The following PEBP4 variants were observed in gnomAD, a reference collection of about 807,000 sequenced individuals.
PEBP4 encodes the protein phosphatidylethanolamine binding protein 4.
In PEBP4, 22 loss-of-function variants were observed where a neutral mutation model predicts 23.9. The ratio of observed to expected loss-of-function variants is 0.92; its 90% confidence interval spans 0.66 to 1.31. PEBP4 has a LOEUF of 1.31. Ranked by LOEUF, PEBP4 falls within the 40% of genes most tolerant of loss-of-function variation. The probability of loss-of-function intolerance (pLI) is 0.00; values close to 1 mark genes in which losing one functional copy is unlikely to be tolerated. For synonymous variants in PEBP4, 112 were observed against 99.3 expected, an observed-to-expected ratio of 1.13 and a Z score of -0.76; for missense variants, 324 against 281.7, an observed-to-expected ratio of 1.15 and a Z score of -1.07.
rs560192206 is a variant in PEBP4, at chr8:22,778,962, C to T, written c.357+38675G>A. ...GGAGGTGTGAGGAACTCCAATTAAG[C>T]ACTCAGCCTGTCTGCCTGCGTGGGG... is the stretch of plus-strand genomic sequence containing the variant. On this transcript the variant is annotated intron_variant, in intron 4 of 6. Coordinates refer to ENST00000256404, the MANE Select transcript of PEBP4 (RefSeq NM_144962.3). Among the ~76,000 whole-genome samples, 5 of 152,150 alleles carry T rather than the reference C, an allele frequency of 3.3e-5. No individual in the cohort carries two copies. In the South Asian group the frequency reaches 1.0e-3, roughly 32 times the overall value.
At chr8:22,770,278 T>C (rs1805691365) in intron 4 of PEBP4, among the ~76,000 whole-genome samples, 2 of 152,218 alleles carry the variant, frequency 1.3e-5, no homozygotes, top group South Asian at 4.1e-4. Context: ...GAGGTGGCCC[T>C]GGTGAAACCT....
At chr8:22,729,075 C>T (rs1256735106) in intron 4 of PEBP4, among the ~76,000 whole-genome samples, 1 of 152,188 alleles carries the variant, frequency 6.6e-6, no homozygotes, top group African/African-American at 2.4e-5. Flanking sequence ...CTGGCTTTAT[C>T]CAGGGCTGGC....
At chr8:22,725,042 C>A in intron 5 of PEBP4, 86 bp from the exon 6 acceptor site, 3 of 1,184,798 alleles carry the variant, frequency 2.5e-6, no homozygotes, top group East Asian at 2.4e-5. Context: ...GTCCTGCTGA[C>A]CTCCCTGGGG....
intron 4 of PEBP4, among the ~76,000 whole-genome samples, chr8:22,747,262 G>T (rs1286445167): frequency 6.6e-6 from 1 of 152,264 alleles, no homozygotes; most frequent in Non-Finnish European, 1.5e-5. Flanking sequence ...GATAATAAGT[G>T]CTGGATTCCT....
chr8:22,934,336 T>A (rs1295963066), intron 1 of PEBP4, among the ~76,000 whole-genome samples: 1 of 152,210 alleles, frequency 6.6e-6, no homozygotes, highest in African/African-American at 2.4e-5. Context: ...ATAAGTAAAA[T>A]GTTTGTATGC....
chr8:22,739,419 C>T (rs763522200), intron 4 of PEBP4, among the ~76,000 whole-genome samples: 3 of 152,198 alleles, frequency 2.0e-5, no homozygotes, highest in Non-Finnish European at 4.4e-5. Flanking sequence ...CATCTCTCAT[C>T]CGGCACCCAG....
At chr8:22,746,770 C>T (rs1419823095) in intron 4 of PEBP4, among the ~76,000 whole-genome samples, 1 of 152,182 alleles carries the variant, frequency 6.6e-6, no homozygotes, top group Non-Finnish European at 1.5e-5. Flanking sequence ...GTGCGACATT[C>T]TGTGATGGTG....
At chr8:22,839,326 C>T (rs1301709634) in intron 3 of PEBP4, among the ~76,000 whole-genome samples, 1 of 151,924 alleles carries the variant, frequency 6.6e-6, no homozygotes, top group Non-Finnish European at 1.5e-5. Context: ...TGGGAAGAGG[C>T]AGGGGCTTTG....
intron 4 of PEBP4, among the ~76,000 whole-genome samples, chr8:22,812,391 T>C: frequency 6.6e-6 from 1 of 152,232 alleles, no homozygotes; most frequent in East Asian, 1.9e-4. Flanking sequence ...GCTCTTTCCC[T>C]TTCCCTTCAG....
chr8:22,927,973 G>A (rs1809387974), upstream of PEBP4: 2 of 451,826 alleles, frequency 4.4e-6, no homozygotes, highest in African/African-American at 2.0e-5. Context: ...CCCCTGGCAG[G>A]ACACAGCTTT....
At chr8:22,894,921 C>A (rs1056756592) in intron 3 of PEBP4, among the ~76,000 whole-genome samples, 16 of 152,150 alleles carry the variant, frequency 1.1e-4, no homozygotes, top group Admixed American at 9.8e-4. Context: ...GCAAGAGAAT[C>A]CTGATTCTCC....
At chr8:22,757,855 C>T (rs1027455853) in intron 4 of PEBP4, 1 of 152,240 alleles carries the variant, frequency 6.6e-6, no homozygotes, top group African/African-American at 2.4e-5. Context: ...GGCTCCACCT[C>T]CTACCCGGCC....
At chr8:22,929,319 C>T (rs1429744978), upstream of PEBP4, among the ~76,000 whole-genome samples, 2 of 152,242 alleles carry the variant, frequency 1.3e-5, no homozygotes, top group African/African-American at 4.8e-5. Flanking sequence ...AGGACAGCCA[C>T]AGCCAAGGAG....
intron 3 of PEBP4, among the ~76,000 whole-genome samples, chr8:22,850,916 C>G (rs1807537817): frequency 1.3e-5 from 2 of 152,190 alleles, no homozygotes; most frequent in South Asian, 4.1e-4. Context: ...TGCCATGTCC[C>G]ACTTCCAGGA....
Position 22,713,475 on chromosome 8 carries a change from G to T in PEBP4, c.579C>A (p.Thr193=), listed in dbSNP as rs958740371. The T allele has an allele frequency of 1.2e-6, 2 of 1,614,140 alleles. No individual in the cohort carries two copies. Among genetic ancestry groups the T allele is most frequent in the African/African-American group, 2.7e-5 (2 of 75,048 alleles). Residue 193 remains threonine, a synonymous_variant, in exon 7 of 7, where the codon ACC becomes ACA. Coordinates refer to ENST00000256404, the MANE Select transcript of PEBP4 (RefSeq NM_144962.3). ...RFHLGEPEAS[T]QFMTQNYQDS... is the part of the protein sequence containing the mutation. ...CCTGGTAGTTCTGGGTCATGAACTG[G>T]GTGCTTGCTTCAGGTTCGCCCAGGT...
At chr8:22,876,478 C>T (rs1808123811) in intron 3 of PEBP4, among the ~76,000 whole-genome samples, 1 of 152,086 alleles carries the variant, frequency 6.6e-6, no homozygotes, top group Non-Finnish European at 1.5e-5. Context: ...TCTTTTTGGC[C>T]TCATTCCAGG....
intron 4 of PEBP4, among the ~76,000 whole-genome samples, chr8:22,764,541 A>G (rs1805571926): frequency 6.6e-6 from 1 of 152,166 alleles, no homozygotes; most frequent in Non-Finnish European, 1.5e-5. Flanking sequence ...TGTGCTTTGA[A>G]GGCCTTTATG....
rs1804342806 is a variant in PEBP4 at position 22,713,264 on chromosome 8, T to C, written c.*106A>G. 1 of 1,418,600 alleles carries C rather than the reference T, an allele frequency of 7.0e-7. No individual in the cohort carries two copies. The highest frequency in any genetic ancestry group is 9.2e-7 in the Non-Finnish European group (1 of 1,086,366). 87.9% of individuals were successfully genotyped at this position (1,418,600 alleles called of 1,614,324 possible). A position where few individuals can be genotyped will look rare whatever the true frequency, so the allele number is the denominator to read the frequency against. ...CAAAGCACCAAGCCCTGGATGATTT[T>C]TTTTTTATTTGGAAAAGAAGGGGTT... On this transcript the variant is annotated 3_prime_UTR_variant, in exon 7 of 7. Transcript: ENST00000256404.
At chr8:22,837,383 C>T (rs990052335) in intron 3 of PEBP4, among the ~76,000 whole-genome samples, 4 of 152,288 alleles carry the variant, frequency 2.6e-5, no homozygotes, top group Middle Eastern at 3.4e-3. Context: ...ATATTCACAC[C>T]GTGGTCTGTC....
Sources: allele counts gnomAD v4.1 joint callset (sites outside exome capture counted in the v4.1 genomes callset), GRCh38; gene constraint gnomAD v4.1.1; transcripts MANE v1.5; gene names NCBI Gene and HGNC (gene_info 2026-07-23, HGNC 2026-07-21).